Variants in CSGALNACT1 observed in about 807,000 individuals in gnomAD.
CSGALNACT1 encodes beta4GalNAcT-1.
A neutral mutation model predicts 51.0 loss-of-function variants in CSGALNACT1; 52 were observed. The observed-to-expected ratio is 1.02, with a 90% CI of 0.82 to 1.29. The LOEUF (loss-of-function observed/expected upper bound fraction) is 1.29, where lower values mean the gene tolerates loss of function less well. CSGALNACT1 is among the 50% of genes most tolerant of loss of function. The pLI, the probability that CSGALNACT1 is intolerant of heterozygous loss-of-function variation, is 0.00. For missense variants in CSGALNACT1, 935 were observed against 679.2 expected, an observed-to-expected ratio of 1.38 and a Z score of -4.19; for synonymous variants, 341 against 254.4, an observed-to-expected ratio of 1.34 and a Z score of -3.24.
In CSGALNACT1 at chr8:19,571,275, G is replaced by A. The variant is rs143358778; in HGVS notation, c.-297+19885C>T. ...CTCTGATTTTTGAAACTCCGTATCC[G>A]ATATAACTAAGACACTCATCTGACA... On this transcript the variant is annotated intron_variant, in intron 3 of 9. Transcript: ENST00000454498. 4.3e-3 allele frequency among the ~76,000 whole-genome samples: 658 copies of A among 152,160 alleles called. 8 individuals are homozygous for A. The highest frequency in any genetic ancestry group is 0.015 in the African/African-American group (619 of 41,526).
intron 4 of CSGALNACT1, among the ~76,000 whole-genome samples, chr8:19,481,439 C>T (rs1254222605): frequency 6.6e-6 from 1 of 152,186 alleles, no homozygotes; most frequent in Admixed American, 6.5e-5. Flanking sequence ...AGCAGGTGCT[C>T]GATAAACACC....
intron 5 of CSGALNACT1, among the ~76,000 whole-genome samples, chr8:19,453,737 C>G (rs989579906): frequency 2.0e-5 from 3 of 152,114 alleles, no homozygotes; most frequent in Non-Finnish European, 4.4e-5. Flanking sequence ...CATGGTGAAA[C>G]CCAATCTCTA....
At chr8:19,715,265 C>T (rs1047904962) in intron 1 of CSGALNACT1, among the ~76,000 whole-genome samples, 4 of 152,196 alleles carry the variant, frequency 2.6e-5, no homozygotes, top group Non-Finnish European at 5.9e-5. Flanking sequence ...GTCCCTCCCA[C>T]AACACGTGGG....
At chr8:19,616,430 T>C (rs1422608597) in intron 1 of CSGALNACT1, among the ~76,000 whole-genome samples, 2 of 152,088 alleles carry the variant, frequency 1.3e-5, no homozygotes, top group Non-Finnish European at 2.9e-5. Context: ...ATCCTGACCC[T>C]CCTGTCACCT....
intron 1 of CSGALNACT1, among the ~76,000 whole-genome samples, chr8:19,630,194 CTGTG>C (rs55947851): frequency 0.14 from 19,222 of 137,494 alleles, 961 homozygotes; most frequent in South Asian, 0.25. Context: ...TCCCACGTCT[CTGTG>C]TGTGTGTGTG....
chr8:19,654,160 G>A (rs975819899), intron 1 of CSGALNACT1, among the ~76,000 whole-genome samples: 2 of 152,166 alleles, frequency 1.3e-5, no homozygotes, highest in African/African-American at 4.8e-5. Context: ...ACATCGATGT[G>A]AGTCAGTAAG....
intron 2 of CSGALNACT1, among the ~76,000 whole-genome samples, chr8:19,599,595 G>A (rs1450090808): frequency 2.6e-5 from 4 of 151,132 alleles, no homozygotes; most frequent in African/African-American, 9.7e-5. Flanking sequence ...AAAGGAGGAA[G>A]GAAAGAAGGA....
At chr8:19,466,383 T>C (rs1047157497) in intron 4 of CSGALNACT1, among the ~76,000 whole-genome samples, 2 of 152,188 alleles carry the variant, frequency 1.3e-5, no homozygotes, top group African/African-American at 2.4e-5. Context: ...GCCATGTAAA[T>C]TGCCTATGAA....
rs867983177 is a variant in CSGALNACT1, at chr8:19,503,783, T to G, written c.634+1418A>C. Among the ~76,000 whole-genome samples, 517 of 151,728 alleles carry G rather than the reference T, an allele frequency of 3.4e-3. 2 individuals carry two copies. Among genetic ancestry groups the G allele is most frequent in the African/African-American group, 0.012 (494 of 41,444 alleles). ...TTTTACTGTTTCATATGAATGAGTT[T>G]TTTTTTTTTTTTAATCTCACACCAA... On this transcript the variant is annotated intron_variant, in intron 4 of 9. Coordinates refer to ENST00000454498, the Ensembl canonical transcript of CSGALNACT1.
At chr8:19,590,343 G>C (rs1038210057) in intron 3 of CSGALNACT1, among the ~76,000 whole-genome samples, 3 of 152,172 alleles carry the variant, frequency 2.0e-5, no homozygotes, top group Non-Finnish European at 4.4e-5. Flanking sequence ...ACATCTATTG[G>C]ACATCATACA....
upstream of CSGALNACT1, among the ~76,000 whole-genome samples, chr8:19,603,557 C>T (rs140312545): frequency 1.9e-3 from 295 of 152,270 alleles, 2 homozygotes; most frequent in African/African-American, 6.5e-3. Context: ...CACTTGGACC[C>T]GAATCTGAGT....
intron 1 of CSGALNACT1, among the ~76,000 whole-genome samples, chr8:19,656,340 G>C (rs1489238110): frequency 6.6e-6 from 1 of 152,050 alleles, no homozygotes; most frequent in Non-Finnish European, 1.5e-5. Flanking sequence ...AGGACCTCTA[G>C]TCCAATTCAC....
chr8:19,419,280 G>T (rs1248467600), intron 7 of CSGALNACT1, among the ~76,000 whole-genome samples: 2 of 152,234 alleles, frequency 1.3e-5, no homozygotes, highest in African/African-American at 4.8e-5. Context: ...AATACTGACA[G>T]ACCATGACCA....
chr8:19,699,122 G>A (rs2061729833), intron 1 of CSGALNACT1, among the ~76,000 whole-genome samples: 1 of 152,090 alleles, frequency 6.6e-6, no homozygotes. Flanking sequence ...CAATCTGCCT[G>A]CCTTTGCCTC....
At chr8:19,619,604 T>C (rs571331039) in intron 1 of CSGALNACT1, among the ~76,000 whole-genome samples, 2 of 152,224 alleles carry the variant, frequency 1.3e-5, no homozygotes, top group South Asian at 4.1e-4. Context: ...ATTCTAGGCA[T>C]AGAGTCAGGG....
intron 3 of CSGALNACT1, among the ~76,000 whole-genome samples, chr8:19,566,759 A>T (rs1020998555): frequency 1.3e-5 from 2 of 152,072 alleles, no homozygotes; most frequent in African/African-American, 4.8e-5. Flanking sequence ...AAAATTCTCA[A>T]CTCCTTCAGG....
intron 1 of CSGALNACT1, among the ~76,000 whole-genome samples, chr8:19,726,139 G>C (rs984143129): frequency 2.6e-5 from 4 of 151,930 alleles, no homozygotes; most frequent in Non-Finnish European, 5.9e-5. Flanking sequence ...TGCCTGCATC[G>C]CCTGTATATT....
At chr8:19,571,691 A>G (rs1425820954) in intron 3 of CSGALNACT1, among the ~76,000 whole-genome samples, 3 of 152,228 alleles carry the variant, frequency 2.0e-5, no homozygotes, top group Non-Finnish European at 4.4e-5. Flanking sequence ...CATTAGTTTC[A>G]GCTTTCCCAG....
chr8:19,616,992 T>C (rs879634376), intron 1 of CSGALNACT1, among the ~76,000 whole-genome samples: 2 of 152,190 alleles, frequency 1.3e-5, no homozygotes, highest in Non-Finnish European at 2.9e-5. Flanking sequence ...CATTGTAACA[T>C]ATAAGAAAAT....
Sources: gnomAD v4.1 joint callset for allele counts (sites outside exome capture counted in the v4.1 genomes callset) on GRCh38, gnomAD v4.1.1 for gene constraint, MANE v1.5 for transcripts, NCBI Gene and HGNC (gene_info 2026-07-23, HGNC 2026-07-21) for gene names.